Variants in LRRC52 observed in about 807,000 individuals in gnomAD.
LRRC52 encodes leucine-rich repeat-containing protein 52.
Under a neutral mutation model 14.7 loss-of-function variants are expected in LRRC52, and 15 were observed. That is an observed-to-expected ratio of 1.02 (90% CI 0.68 to 1.58). LRRC52 has a LOEUF of 1.58. LRRC52 is among the 40% of genes most tolerant of loss of function. The probability of loss-of-function intolerance (pLI) is 0.00; values close to 1 mark genes in which losing one functional copy is unlikely to be tolerated. For missense variants in LRRC52, 400 were observed against 387.7 expected (o/e 1.03, Z -0.27); for synonymous variants, 180 against 163.9 (o/e 1.10, Z -0.75).
chr1:165,554,315 C>T (rs1661190518), intron 1 of LRRC52, among the ~76,000 whole-genome samples: 1 of 152,060 alleles, frequency 6.6e-6, no homozygotes, highest in African/African-American at 2.4e-5. Flanking sequence ...TGAGCAGAGG[C>T]AAGGAGTTCA....
intron 1 of LRRC52, among the ~76,000 whole-genome samples, chr1:165,549,702 A>C (rs1661091741): frequency 6.6e-6 from 1 of 152,248 alleles, no homozygotes; most frequent in Admixed American, 6.5e-5. Flanking sequence ...ACATGAGGGC[A>C]ATATCATACG....
At chr1:165,562,624 CA>C (rs1195806734) in intron 1 of LRRC52, among the ~76,000 whole-genome samples, 2 of 151,106 alleles carry the variant, frequency 1.3e-5, no homozygotes, top group African/African-American at 4.8e-5. Flanking sequence ...CTGAAGTTTA[CA>C]AAATTAGCAA....
rs1661014623 is a variant in LRRC52 at position 165,546,064 on chromosome 1, TG to T, written c.622+1151del. On this transcript the variant is annotated intron_variant, in intron 1 of 1. Coordinates refer to ENST00000294818, the MANE Select transcript of LRRC52 (RefSeq NM_001005214.4). ...CAGAATGACAGACTTCAAGGAGAAC[TG>T]GGGGAGAGAGAATCAAGTGGTGACA... Among the ~76,000 whole-genome samples, 3 of 151,926 alleles carry T rather than the reference TG, an allele frequency of 2.0e-5. No individual in the cohort carries two copies. In the South Asian group the frequency reaches 6.2e-4, roughly 32 times the overall value.
rs781535759 is a variant in LRRC52 at position 165,544,938 on chromosome 1, T to G, written c.622+20T>G. 20 of 1,608,016 alleles carry G rather than the reference T, an allele frequency of 1.2e-5. No individual in the cohort carries two copies. Among genetic ancestry groups the G allele is most frequent in the Non-Finnish European group, 1.3e-5 (15 of 1,175,746 alleles). Reference sequence around the variant, plus strand: ...CCTCAGGTGAGGGCTTGATTGGGTGTGGGGAAGAGGATGTGATTGAAGTGG... The same window carrying G: ...CCTCAGGTGAGGGCTTGATTGGGTGGGGGGAAGAGGATGTGATTGAAGTGG... On this transcript the variant is annotated intron_variant, in intron 1 of 1. Coordinates refer to ENST00000294818, the MANE Select transcript of LRRC52 (RefSeq NM_001005214.4).
intron 1 of LRRC52, among the ~76,000 whole-genome samples, chr1:165,562,274 T>A (rs1661359152): frequency 6.6e-6 from 1 of 152,238 alleles, no homozygotes; most frequent in Non-Finnish European, 1.5e-5. Context: ...GAGATATTTG[T>A]AAATAACTTA....
chr1:165,547,674 T>C (rs1260437341), intron 1 of LRRC52, among the ~76,000 whole-genome samples: 1 of 152,210 alleles, frequency 6.6e-6, no homozygotes, highest in East Asian at 1.9e-4. Context: ...CATATGTTCA[T>C]ACCATATATA....
intron 1 of LRRC52, among the ~76,000 whole-genome samples, chr1:165,558,555 C>T (rs1228438481): frequency 6.6e-6 from 1 of 152,134 alleles, no homozygotes; most frequent in Admixed American, 6.5e-5. Flanking sequence ...TAGTGCCTAG[C>T]ACATGTCAGG....
At chr1:165,547,884 A>G (rs752435054) in intron 1 of LRRC52, among the ~76,000 whole-genome samples, 31 of 152,168 alleles carry the variant, frequency 2.0e-4, no homozygotes, top group Admixed American at 3.9e-4. Flanking sequence ...GCCAAACCTC[A>G]ATGTAAGGAA....
At chr1:165,545,195 T>C (rs962408098) in intron 1 of LRRC52, among the ~76,000 whole-genome samples, 1 of 152,124 alleles carries the variant, frequency 6.6e-6, no homozygotes, top group Non-Finnish European at 1.5e-5. Flanking sequence ...AGTTTTCTAA[T>C]CCATAAAGTG....
chr1:165,561,001 G>A (rs1041639058), intron 1 of LRRC52, among the ~76,000 whole-genome samples: 1 of 151,934 alleles, frequency 6.6e-6, no homozygotes, highest in Non-Finnish European at 1.5e-5. Flanking sequence ...TGTGTGAAAT[G>A]GCCCCGAGCT....
At chr1:165,556,494 G>A (rs150007501) in intron 1 of LRRC52, among the ~76,000 whole-genome samples, 6 of 152,342 alleles carry the variant, frequency 3.9e-5, no homozygotes, top group Admixed American at 1.3e-4. Context: ...CCAGGAGTCA[G>A]CACACACTTT....
intron 1 of LRRC52, among the ~76,000 whole-genome samples, chr1:165,555,041 T>G (rs1014635877): frequency 1.3e-5 from 2 of 152,228 alleles, no homozygotes; most frequent in African/African-American, 4.8e-5. Flanking sequence ...TGCCAGCCGC[T>G]TGGCCAGGCA....
chr1:165,560,308 T>C (rs1661316179), intron 1 of LRRC52, among the ~76,000 whole-genome samples: 1 of 152,212 alleles, frequency 6.6e-6, no homozygotes, highest in Non-Finnish European at 1.5e-5. Context: ...AGAGTGTTTC[T>C]ATAGAATTAA....
At chr1:165,545,676 C>T (rs1165909387) in intron 1 of LRRC52, among the ~76,000 whole-genome samples, 5 of 152,132 alleles carry the variant, frequency 3.3e-5, no homozygotes, top group African/African-American at 7.2e-5. Flanking sequence ...CCACTCTACC[C>T]GCTGTCCTCA....
intron 1 of LRRC52, among the ~76,000 whole-genome samples, chr1:165,558,085 G>A (rs1230272702): frequency 6.6e-6 from 1 of 152,184 alleles, no homozygotes. Context: ...GGCCTCCTTG[G>A]CTCCTACACT....
At chr1:165,558,681 G>T (rs1436381728) in intron 1 of LRRC52, among the ~76,000 whole-genome samples, 1 of 151,996 alleles carries the variant, frequency 6.6e-6, no homozygotes, top group Admixed American at 6.6e-5. Context: ...TTTAAAAAAA[G>T]GAGGCAACAG....
At chr1:165,545,811 C>A (rs1661010993) in intron 1 of LRRC52, among the ~76,000 whole-genome samples, 1 of 152,112 alleles carries the variant, frequency 6.6e-6, no homozygotes, top group African/African-American at 2.4e-5. Context: ...GTCAGAGCTT[C>A]AGAAAAATGA....
intron 1 of LRRC52, among the ~76,000 whole-genome samples, chr1:165,562,057 C>T (rs893109827): frequency 8.5e-5 from 13 of 152,232 alleles, no homozygotes; most frequent in Non-Finnish European, 1.3e-4. Flanking sequence ...TTAGAGGAAA[C>T]TCCTCTCCAC....
chr1:165,544,229 C>CCCCCCCCCCGG lies in LRRC52; in HGVS notation c.-68_-67insCCCCCCCCCGG. 6.8e-7 allele frequency: 1 copy of CCCCCCCCCCGG among 1,476,570 alleles called. No individual in the cohort carries two copies. Among genetic ancestry groups the CCCCCCCCCCGG allele is most frequent in the Non-Finnish European group, 9.1e-7 (1 of 1,101,700 alleles). 91.5% of individuals were successfully genotyped at this position (1,476,570 alleles called of 1,614,324 possible). A position where few individuals can be genotyped will look rare whatever the true frequency, so the allele number is the denominator to read the frequency against. ...CCCCTCCCCCGCCCCACCCCCCCAC[C>CCCCCCCCCCGG]GGCAGCCTTCGGATCAGAGGACAGA... On this transcript the variant is annotated 5_prime_UTR_variant, in exon 1 of 2. Coordinates refer to ENST00000294818, the MANE Select transcript of LRRC52 (RefSeq NM_001005214.4).
Sources: allele counts gnomAD v4.1 joint callset (sites outside exome capture counted in the v4.1 genomes callset), GRCh38; gene constraint gnomAD v4.1.1; transcripts MANE v1.5; gene names NCBI Gene and HGNC (gene_info 2026-07-23, HGNC 2026-07-21).